CSTF2: variants seen among roughly 807,000 people sequenced by gnomAD.
CSTF2 encodes the protein cleavage stimulation factor subunit 2, also known as CF-1 64 kDa subunit.
CSTF2 carries 8 observed loss-of-function variants against 45.4 expected under a neutral mutation model. The ratio of observed to expected loss-of-function variants is 0.18; its 90% CI spans 0.10 to 0.32. The LOEUF is 0.32. Among genes scored for constraint, CSTF2 ranks in the 10% least tolerant of loss-of-function variants. The probability of loss-of-function intolerance (pLI) is 1.00; values close to 1 mark genes in which losing one functional copy is unlikely to be tolerated. For synonymous variants in CSTF2, 155 were observed against 158.9 expected, an observed-to-expected ratio of 0.98 and a Z score of 0.18; for missense variants, 253 against 477.1, an observed-to-expected ratio of 0.53 and a Z score of 4.38.
At position 100,841,428 on chromosome X, in the gene CSTF2, A is replaced by G. The variant is rs781332722; in HGVS notation, c.*718A>G. On this transcript the variant is annotated 3_prime_UTR_variant, in exon 14 of 14. Transcript: ENST00000372972. ...TGTTGACATTTACTTGTGTGTTCTTAAACTTATCAGTCTAGGCAGTCAACT... is the reference window on the plus strand; with the variant it reads ...TGTTGACATTTACTTGTGTGTTCTTGAACTTATCAGTCTAGGCAGTCAACT... 3.6e-5 allele frequency among the ~76,000 whole-genome samples: 4 copies of G among 112,538 alleles called. No individual in the cohort carries two copies. Among genetic ancestry groups the G allele is most frequent in the Non-Finnish European group, 7.5e-5 (4 of 53,339 alleles).
Position 100,824,213 on chromosome X carries a change from T to A in CSTF2, c.658T>A (p.Ser220Thr), listed in dbSNP as rs767710174. Residue 220 changes from serine to threonine, a missense_variant, in exon 6 of 14, where the codon TCA (serine) becomes ACA (threonine). Physicochemically the swap from Ser to Thr is moderately conservative, Grantham distance 58. This residue lies in a region of CSTF2 where 200 missense variants were observed against 294.0 expected (regional missense o/e 0.68). Coordinates refer to ENST00000372972, the MANE Select transcript of CSTF2 (RefSeq NM_001325.3). ...GAGPGSGSNVSMNQQNPQAPQ... is the reference protein window; with the variant it reads ...GAGPGSGSNVTMNQQNPQAPQ... ...TGGGCCTGGCTCAGGATCCAATGTG[T>A]CAATGAACCAGCAGAATCCTCAGGC... is the stretch of plus-strand genomic sequence containing the variant. 6 of 1,210,293 alleles carry A rather than the reference T, an allele frequency of 5.0e-6. No individual in the cohort carries two copies. The highest frequency in any genetic ancestry group is 4.5e-6 in the Non-Finnish European group (4 of 895,245).
intron 6 of CSTF2, among the ~76,000 whole-genome samples, 196 bp downstream of exon 6, chrX:100,824,453 G>GAGAT (rs1311478605): frequency 1.8e-5 from 2 of 112,161 alleles, no homozygotes; most frequent in Non-Finnish European, 3.8e-5. Context: ...GTAAAACAAA[G>GAGAT]AGATCCTTCC....
intron 12 of CSTF2, 97 bp from the exon 13 acceptor site, chrX:100,838,141 CT>C: frequency 1.1e-6 from 1 of 920,317 alleles, no homozygotes; most frequent in Non-Finnish European, 1.4e-6. Flanking sequence ...ACTACAGTAG[CT>C]TTTTGGACAG....
At chrX:100,827,221 A>G (rs2084949986) in intron 7 of CSTF2, among the ~76,000 whole-genome samples, 1 of 112,638 alleles carries the variant, frequency 8.9e-6, no homozygotes, top group South Asian at 3.7e-4. Flanking sequence ...TTGTTATAGC[A>G]TATTAAACTG....
At chrX:100,838,185 A>G in intron 12 of CSTF2, 54 bp from the exon 13 acceptor site, 1 of 1,067,292 alleles carries the variant, frequency 9.4e-7, no homozygotes, top group Non-Finnish European at 1.2e-6. Context: ...TTTGTTTTGT[A>G]TTTTTTAGCT....
chrX:100,837,396 C>A lies in CSTF2; in HGVS notation c.1558C>A (p.Pro520Thr). Residue 520 changes from proline (P) to threonine (T), a missense_variant, in exon 12 of 14, where the codon CCT (proline) becomes ACT (threonine). Coordinates refer to ENST00000372972, the MANE Select transcript of CSTF2 (RefSeq NM_001325.3). ...QGASIQGGSQ[P>T]GGFSPGQNQV... is the part of the protein sequence containing the mutation. ...AGCAAGTATACAGGGTGGAAGCCAG[C>A]CTGGCGGCTTTAGTCCCGGGCAGAA... 8.3e-7 allele frequency: 1 copy of A among 1,210,415 alleles called. No individual in the cohort carries two copies. The highest frequency in any genetic ancestry group is 3.0e-5 in the East Asian group (1 of 33,756).
chrX:100,839,959 T>G (rs2085030754), intron 13 of CSTF2, among the ~76,000 whole-genome samples: 1 of 111,833 alleles, frequency 8.9e-6, no homozygotes, highest in Non-Finnish European at 1.9e-5. Context: ...TTTTACCTTT[T>G]ATTTTTAAAT....
chrX:100,828,325 A>G (rs1294412354), intron 8 of CSTF2, among the ~76,000 whole-genome samples: 2 of 112,289 alleles, frequency 1.8e-5, no homozygotes, highest in African/African-American at 6.5e-5. Flanking sequence ...TTACAGATAT[A>G]GAACATTTCT....
At chrX:100,832,202 A>G (rs1037569886) in intron 9 of CSTF2, among the ~76,000 whole-genome samples, 1 of 111,934 alleles carries the variant, frequency 8.9e-6, no homozygotes, top group Non-Finnish European at 1.9e-5. Flanking sequence ...GGGCAACAAG[A>G]GTGAAACTCC....
intron 11 of CSTF2, among the ~76,000 whole-genome samples, chrX:100,835,916 A>G (rs1044083639): frequency 5.4e-5 from 6 of 111,501 alleles, no homozygotes; most frequent in Admixed American, 1.9e-4. Flanking sequence ...TGCTGCTATA[A>G]ACTCATGTGA....
intron 6 of CSTF2, 26 bp from the exon 7 acceptor site, chrX:100,826,608 A>T (rs1261193482): frequency 1.7e-6 from 2 of 1,200,411 alleles, no homozygotes; most frequent in Non-Finnish European, 2.3e-6. Context: ...AGGCATATAC[A>T]TACTCTGTTT....
In CSTF2 at chrX:100,829,692, G is replaced by T. The variant is rs193155700; in HGVS notation, c.889+1590G>T. ...TTTTCTCTAAGCATCCAATGCTTTT[G>T]TGCTATTGTACATCCCTCTATCCCC... On this transcript the variant is annotated intron_variant, in intron 8 of 13. Coordinates refer to ENST00000372972, the MANE Select transcript of CSTF2 (RefSeq NM_001325.3). 1.4e-3 allele frequency among the ~76,000 whole-genome samples: 161 copies of T among 111,250 alleles called. 2 individuals carry two copies. Among genetic ancestry groups the T allele is most frequent in the African/African-American group, 5.1e-3 (157 of 30,582 alleles).
intron 2 of CSTF2, among the ~76,000 whole-genome samples, chrX:100,821,879 G>T (rs1876389988): frequency 9.0e-6 from 1 of 111,531 alleles, no homozygotes; most frequent in Admixed American, 9.5e-5. Context: ...GGATCACCTG[G>T]GGTCAGGAGT....
At position 100,826,670 on chromosome X, in the gene CSTF2, C is replaced by G. The variant is rs773471166; in HGVS notation, c.739C>G (p.Gln247Glu). The G allele has an allele frequency of 6.6e-6, 8 of 1,208,455 alleles. No individual in the cohort carries two copies. Among genetic ancestry groups the G allele is most frequent in the Non-Finnish European group, 4.5e-6 (4 of 894,353 alleles). ...MHVNGAPPLM[Q>E]ASMQGGVPAP... ...TGTCAATGGCGCACCTCCTCTGATG[C>G]AAGCTTCTATGCAGGGTGGAGTTCC... Residue 247 changes from glutamine to glutamate, a missense_variant, in exon 7 of 14, where the codon CAA (glutamine) becomes GAA (glutamate). Gln to Glu is a conservative substitution (Grantham distance 29). Transcript: ENST00000372972.
chrX:100,830,972 G>A, intron 8 of CSTF2: 1 of 668,977 alleles, frequency 1.5e-6, no homozygotes, highest in East Asian at 3.6e-5. Flanking sequence ...GAACCCAAAA[G>A]GGTAGTGTTT....
At position 100,821,573 on chromosome X, in the gene CSTF2, C is replaced by T. The variant is rs568017777; in HGVS notation, c.105C>T (p.Ile35=). 2.5e-6 allele frequency: 3 copies of T among 1,205,341 alleles called. No individual in the cohort carries two copies. The East Asian group carries it at 8.9e-5, about 36-fold the overall frequency. The change falls in exon 2 of 14, where the codon ATC becomes ATT. Residue 35 remains isoleucine, a synonymous_variant. Coordinates refer to ENST00000372972, the MANE Select transcript of CSTF2 (RefSeq NM_001325.3). ...CTACTGAAGAGCAGTTGAAGGACAT[C>T]TTTTCTGAGGTTGGACCTGTTGTTA... is the stretch of plus-strand genomic sequence containing the variant. ...YEATEEQLKD[I]FSEVGPVVSF... is the part of the protein sequence containing the mutation.
chrX:100,828,044 A>G lies in CSTF2; in HGVS notation c.831A>G (p.Gly277=), dbSNP rs2084954079. 8.3e-7 allele frequency: 1 copy of G among 1,206,068 alleles called. No individual in the cohort carries two copies. Among genetic ancestry groups the G allele is most frequent in the African/African-American group, 1.7e-5 (1 of 57,437 alleles). ...PGPGSLAPGG[G]MQAQVGMPGS... ...TGTCTGCCCTTTATCTTCTAGGAGG[A>G]ATGCAGGCTCAGGTTGGAATGCCAG... is the stretch of plus-strand genomic sequence containing the variant. The change falls in exon 8 of 14, where the codon GGA becomes GGG. Residue 277 remains glycine, a synonymous_variant. Coordinates refer to ENST00000372972, the MANE Select transcript of CSTF2 (RefSeq NM_001325.3).
chrX:100,824,059 A>G, intron 5 of CSTF2, 54 bp downstream of exon 5: 1 of 1,207,398 alleles, frequency 8.3e-7, no homozygotes, highest in Non-Finnish European at 1.1e-6. Context: ...TGAATGGGAT[A>G]GGAACTACCT....
At position 100,840,728 on chromosome X, in the gene CSTF2, C is replaced by T. The variant is rs2085035142; in HGVS notation, c.*18C>T. On this transcript the variant is annotated 3_prime_UTR_variant, in exon 14 of 14. Transcript: ENST00000372972. ...TCTTCTTACAGGTTTTCAAAAATACCTGGCAAGAAATCTGGAAATTCTATA... is the reference window on the plus strand; with the variant it reads ...TCTTCTTACAGGTTTTCAAAAATACTTGGCAAGAAATCTGGAAATTCTATA... 1 of 111,606 alleles carries T rather than the reference C, an allele frequency of 9.0e-6. No homozygotes were observed. Among genetic ancestry groups the T allele is most frequent in the South Asian group, 3.8e-4 (1 of 2,656 alleles). The allele number at this position is 111,606 out of a possible 1,213,427, so 9.2% of individuals were successfully genotyped here.
Sources: allele counts gnomAD v4.1 joint callset (sites outside exome capture counted in the v4.1 genomes callset), GRCh38; gene constraint gnomAD v4.1.1; regional missense constraint gnomAD v4.1.1; transcripts MANE v1.5; gene names NCBI Gene and HGNC (gene_info 2026-07-23, HGNC 2026-07-21).